Variants in OPN3 observed in about 807,000 individuals in gnomAD.
OPN3 encodes opsin 3.
A neutral mutation model predicts 33.8 loss-of-function variants in OPN3; 29 were observed. The observed-to-expected ratio is 0.86, with a 90% CI of 0.64 to 1.17. OPN3 has a LOEUF of 1.17. Ranked by LOEUF, OPN3 falls within the 50% of genes most tolerant of loss-of-function variation. The probability of loss-of-function intolerance (pLI) is 0.00; values close to 1 mark genes in which losing one functional copy is unlikely to be tolerated. For synonymous variants in OPN3, 216 were observed against 216.1 expected (o/e 1.00, Z 0.00); for missense variants, 437 against 514.1 (o/e 0.85, Z 1.45).
At chr1:241,606,833 A>C (rs1663845215) in intron 1 of OPN3, among the ~76,000 whole-genome samples, 1 of 152,204 alleles carries the variant, frequency 6.6e-6, no homozygotes, top group South Asian at 2.1e-4. Context: ...TGTGGGTGGC[A>C]AACGGGTTAA....
intron 1 of OPN3, among the ~76,000 whole-genome samples, chr1:241,627,960 ACCCAATC>A (rs1331027247): frequency 6.6e-6 from 1 of 152,080 alleles, no homozygotes; most frequent in Non-Finnish European, 1.5e-5. Context: ...GGGCTTCTAG[ACCCAATC>A]CCCTAGAGCT....
At chr1:241,612,114 T>G (rs1311273775) in intron 1 of OPN3, among the ~76,000 whole-genome samples, 8 of 152,238 alleles carry the variant, frequency 5.3e-5, no homozygotes, top group African/African-American at 1.7e-4. Flanking sequence ...GAAGTAAATT[T>G]GGAAGTGAAG....
rs1165261481 is a variant in OPN3, at chr1:241,598,108, G to A, written c.694-111C>T. ...ATTCTTGGCCCCACCTAAATGGAAA[G>A]AGAACTGAATGGCACCTTGGCAGGC... On this transcript the variant is annotated intron_variant, in intron 2 of 3. Transcript: ENST00000366554. 4.8e-6 allele frequency: 6 copies of A among 1,250,356 alleles called. No individual in the cohort carries two copies. The East Asian group carries it at 1.5e-4, about 32-fold the overall frequency. The allele number at this position is 1,250,356 out of a possible 1,614,324, so 77.5% of individuals were successfully genotyped here.
chr1:241,634,944 G>T (rs751674137), intron 1 of OPN3: 5 of 1,613,344 alleles, frequency 3.1e-6, no homozygotes, highest in Non-Finnish European at 4.2e-6. Context: ...CAAGGAACTT[G>T]TTCTACCTTT....
intron 1 of OPN3, chr1:241,631,857 T>C (rs1460304726): frequency 1.3e-5 from 2 of 152,068 alleles, no homozygotes; most frequent in African/African-American, 4.8e-5. Context: ...CACTTTCTCT[T>C]TCTCCTGCAG....
rs1484917880 is a variant in OPN3 at position 241,597,750 on chromosome 1, C to G, written c.941G>C (p.Arg314Thr). Reference sequence around the variant, plus strand: ...TCAGTTAATTGCAAAGCTTACCTTTCTGATCATGAAGACATAAATCACTGG... The same window carrying G: ...TCAGTTAATTGCAAAGCTTACCTTTGTGATCATGAAGACATAAATCACTGG... ...YNPVIYVFMIRKFRRSLLQLL... is the reference protein window; with the variant it reads ...YNPVIYVFMITKFRRSLLQLL... Residue 314 changes from arginine to threonine, a missense_variant, in exon 3 of 4, where the codon AGA becomes ACA. By Grantham distance (71) the Arg-to-Thr change is moderately conservative (BLOSUM62 -1). Coordinates refer to ENST00000366554, the MANE Select transcript of OPN3 (RefSeq NM_014322.3). 1 of 1,611,186 alleles carries G rather than the reference C, an allele frequency of 6.2e-7. No homozygotes were observed. The highest frequency in any genetic ancestry group is 8.5e-7 in the Non-Finnish European group (1 of 1,178,380).
intron 1 of OPN3, chr1:241,633,678 G>A (rs1400357352): frequency 9.9e-7 from 1 of 1,006,302 alleles, no homozygotes; most frequent in East Asian, 2.4e-5. Flanking sequence ...GACAACATCT[G>A]CATAGCATTC....
intron 1 of OPN3, among the ~76,000 whole-genome samples, chr1:241,616,808 A>G (rs1258518165): frequency 4.6e-5 from 7 of 152,200 alleles, no homozygotes; most frequent in Non-Finnish European, 8.8e-5. Context: ...AACTAGCAAT[A>G]CACAGGTCAG....
At chr1:241,633,040 A>G (rs1176598181) in intron 1 of OPN3, 1 of 152,202 alleles carries the variant, frequency 6.6e-6, no homozygotes, top group Non-Finnish European at 1.5e-5. Flanking sequence ...GAAGTATTAA[A>G]TAAGAATAAA....
rs764660452 is a variant in OPN3, at chr1:241,594,578, T to A, written c.1059A>T (p.Ser353=). The A allele has an allele frequency of 2.5e-6, 4 of 1,614,156 alleles. No homozygotes were observed. The highest frequency in any genetic ancestry group is 3.3e-5 in the Admixed American group (2 of 60,010). Residue 353 remains serine, a synonymous_variant, in exon 4 of 4, where the codon TCA becomes TCT. Transcript: ENST00000366554. ...TCTTTGGCCTGTCCCCATCTTTCTG[T>A]GACATCACAATGGGTCTGATCTGCA... ...SEMQIRPIVM[S]QKDGDRPKKK...
chr1:241,616,324 C>A (rs1186515752), intron 1 of OPN3, among the ~76,000 whole-genome samples: 3 of 152,102 alleles, frequency 2.0e-5, no homozygotes, highest in South Asian at 4.1e-4. Context: ...TAATGACCTG[C>A]AAAGCTCCCT....
intron 1 of OPN3, chr1:241,630,863 C>T (rs1342454565): frequency 6.6e-6 from 1 of 152,060 alleles, no homozygotes; most frequent in Non-Finnish European, 1.5e-5. Flanking sequence ...GATTTAATGG[C>T]TGTTCTGCTT....
chr1:241,626,627 A>G (rs911220432), intron 1 of OPN3, among the ~76,000 whole-genome samples: 1 of 152,148 alleles, frequency 6.6e-6, no homozygotes, highest in Non-Finnish European at 1.5e-5. Context: ...CATTCCCCCA[A>G]ATTTTTCCTT....
At chr1:241,603,459 AC>A (rs764447840) in intron 2 of OPN3, among the ~76,000 whole-genome samples, 185 of 150,942 alleles carry the variant, frequency 1.2e-3, no homozygotes, top group Non-Finnish European at 1.7e-3. Flanking sequence ...CTAAGTGTAG[AC>A]AGATGTGTTT....
chr1:241,622,880 T>C (rs1437875647), intron 1 of OPN3, among the ~76,000 whole-genome samples: 1 of 152,000 alleles, frequency 6.6e-6, no homozygotes. Context: ...CCAGTAGAAA[T>C]ATATGGGCCG....
chr1:241,639,113 C>T (rs1301656009), intron 1 of OPN3: 3 of 152,208 alleles, frequency 2.0e-5, no homozygotes, highest in Non-Finnish European at 2.9e-5. Flanking sequence ...TGTCGAAATA[C>T]ATCTTCAACA....
intron 2 of OPN3, 109 bp downstream of exon 2, chr1:241,604,151 T>G (rs1288035042): frequency 1.0e-6 from 1 of 964,986 alleles, no homozygotes; most frequent in Non-Finnish European, 1.6e-6. Flanking sequence ...AGAACTGCTC[T>G]ACCTCTGGGC....
chr1:241,633,022 A>C (rs989566903), intron 1 of OPN3: 1 of 152,142 alleles, frequency 6.6e-6, no homozygotes, highest in Non-Finnish European at 1.5e-5. Flanking sequence ...GCTCTGCAGA[A>C]ATTTTCTGAA....
chr1:241,615,078 A>G (rs144166504), intron 1 of OPN3, among the ~76,000 whole-genome samples: 6 of 152,348 alleles, frequency 3.9e-5, no homozygotes, highest in African/African-American at 1.4e-4. Context: ...AAGAGACCCA[A>G]GAAATATCCA....
Sources: gnomAD v4.1 joint callset for allele counts (sites outside exome capture counted in the v4.1 genomes callset) on GRCh38, gnomAD v4.1.1 for gene constraint, MANE v1.5 for transcripts, NCBI Gene and HGNC (gene_info 2026-07-23, HGNC 2026-07-21) for gene names.